The following THAP7 variants were observed in gnomAD, a reference collection of about 807,000 sequenced individuals.
The protein encoded by THAP7 is THAP domain-containing protein 7.
A neutral mutation model predicts 29.2 loss-of-function variants in THAP7; 22 were observed. That is an observed-to-expected ratio of 0.75 (90% CI 0.54 to 1.08). THAP7 has a LOEUF of 1.08. THAP7 is among the 50% of genes least tolerant of loss of function. THAP7 has a pLI of 0.00. For missense variants in THAP7, 448 were observed against 416.2 expected (o/e 1.08, Z -0.66); for synonymous variants, 208 against 173.4 (o/e 1.20, Z -1.57).
intron 3 of THAP7, 80 bp from the exon 4 acceptor site, chr22:21,000,512 CCTTAACACCCAAACCCGATCCACA>C: frequency 6.4e-7 from 1 of 1,558,442 alleles, no homozygotes; most frequent in Non-Finnish European, 8.7e-7. Context: ...CCTGATCCAC[CCTTAACACCCAAACCCGATCCACA>C]GGTTCTGTGT....
At chr22:21,001,718 A>G (rs1925177328) in intron 1 of THAP7, 114 bp downstream of exon 1, 1 of 1,182,538 alleles carries the variant, frequency 8.5e-7, no homozygotes, top group Non-Finnish European at 1.2e-6. Flanking sequence ...TCCCACCCAC[A>G]GGTTCAAGCC....
rs1239295734 is a variant in THAP7, at chr22:20,999,687, C to T, written c.*193G>A. The T allele has an allele frequency of 1.5e-6, 1 of 650,970 alleles. No individual in the cohort carries two copies. The highest frequency in any genetic ancestry group is 1.8e-5 in the African/African-American group (1 of 54,786). 40.3% of individuals were successfully genotyped at this position (650,970 alleles called of 1,614,324 possible). On this transcript the variant is annotated 3_prime_UTR_variant, in exon 4 of 4. Transcript: ENST00000215742. ...CCTTGGCAAAGAGCTTGGACTGAGCCCTCTAGGAGCTGCAGCCACTGTCTG... is the reference window on the plus strand; with the variant it reads ...CCTTGGCAAAGAGCTTGGACTGAGCTCTCTAGGAGCTGCAGCCACTGTCTG...
chr22:21,001,726 GCCT>G (rs1925178242), intron 1 of THAP7, 103 bp downstream of exon 1: 1 of 1,247,282 alleles, frequency 8.0e-7, no homozygotes, highest in Non-Finnish European at 1.1e-6. Flanking sequence ...ACAGGTTCAA[GCCT>G]CCTCAGTATC....
At chr22:21,000,528 C>T (rs1380260558) in intron 3 of THAP7, 96 bp from the exon 4 acceptor site, 14 of 1,569,670 alleles carry the variant, frequency 8.9e-6, no homozygotes, top group East Asian at 6.7e-5. Flanking sequence ...CACCCAAACC[C>T]GATCCACAGG....
At position 21,001,429 on chromosome 22, in the gene THAP7, C is replaced by T. The variant is rs1483559946; in HGVS notation, c.81-18G>A. ...TGGGAAGTCTGTGGAGCCACAAACCCGTGAGCACCAGGCTGTCCACAGCCC... is the reference window on the plus strand; with the variant it reads ...TGGGAAGTCTGTGGAGCCACAAACCTGTGAGCACCAGGCTGTCCACAGCCC... On this transcript the variant is annotated intron_variant, in intron 1 of 3. Coordinates refer to ENST00000215742, the MANE Select transcript of THAP7 (RefSeq NM_030573.3). 2 of 1,612,254 alleles carry T rather than the reference C, an allele frequency of 1.2e-6. No individual in the cohort carries two copies. The highest frequency in any genetic ancestry group is 1.7e-6 in the Non-Finnish European group (2 of 1,179,686).
intron 1 of THAP7, 156 bp from the exon 2 acceptor site, chr22:21,001,567 G>A: frequency 3.4e-6 from 4 of 1,168,490 alleles, no homozygotes; most frequent in South Asian, 3.0e-5. Context: ...CACAGACGAG[G>A]CAACGGAGGC....
intron 1 of THAP7, 163 bp from the exon 2 acceptor site, chr22:21,001,574 A>T: frequency 8.9e-7 from 1 of 1,119,608 alleles, no homozygotes; most frequent in Non-Finnish European, 1.2e-6. Context: ...GAGGCAACGG[A>T]GGCCTCGAGA....
At position 20,999,873 on chromosome 22, in the gene THAP7, C is replaced by T; in HGVS notation, c.*7G>A. The T allele has an allele frequency of 6.3e-7, 1 of 1,598,034 alleles. No individual in the cohort carries two copies. Among genetic ancestry groups the T allele is most frequent in the Non-Finnish European group, 8.5e-7 (1 of 1,175,198 alleles). ...CTGGGCAGCCCCTCGGTCAGTCCAGCAGCCCCTCAGGCCATGCTGCTGCTC... is the reference window on the plus strand; with the variant it reads ...CTGGGCAGCCCCTCGGTCAGTCCAGTAGCCCCTCAGGCCATGCTGCTGCTC... On this transcript the variant is annotated 3_prime_UTR_variant, in exon 4 of 4. Coordinates refer to ENST00000215742, the MANE Select transcript of THAP7 (RefSeq NM_030573.3).
At position 21,002,034 on chromosome 22, in the gene THAP7, C is replaced by A; in HGVS notation, c.-123G>T. The A allele has an allele frequency of 2.3e-6, 2 of 876,690 alleles. No individual in the cohort carries two copies. Among genetic ancestry groups the A allele is most frequent in the South Asian group, 1.9e-5 (1 of 53,492 alleles). 54.3% of individuals were successfully genotyped at this position (876,690 alleles called of 1,614,324 possible). A position where few individuals can be genotyped will look rare whatever the true frequency, so the allele number is the denominator to read the frequency against. On this transcript the variant is annotated 5_prime_UTR_variant, in exon 1 of 4. Transcript: ENST00000215742. ...TGTCGGGTCCCCCCCGGCCCGTTGT[C>A]GCCCCAACCCCGTCCCAGCCGATTC...
rs765105507 is a variant in THAP7 at position 21,000,372 on chromosome 22, G to A, written c.438C>T (p.Thr146=). The A allele has an allele frequency of 2.2e-5, 34 of 1,553,750 alleles. No homozygotes were observed. Among genetic ancestry groups the A allele is most frequent in the Non-Finnish European group, 7.0e-6 (8 of 1,148,576 alleles). ...PFSPPPPADV[T]CFPVEEASAP... ...CTGAGGCCTCTTCCACAGGAAAGCA[G>A]GTGACATCAGCAGGTGGAGGTGGAG... is the stretch of plus-strand genomic sequence containing the variant. The change falls in exon 4 of 4, where the codon ACC becomes ACT. Residue 146 remains threonine (T), a synonymous_variant. Coordinates refer to ENST00000215742, the MANE Select transcript of THAP7 (RefSeq NM_030573.3).
chr22:20,999,713 G>A lies in THAP7; in HGVS notation c.*167C>T, dbSNP rs1925032195. 1.3e-6 allele frequency: 1 copy of A among 761,812 alleles called. No individual in the cohort carries two copies. The highest frequency in any genetic ancestry group is 1.9e-5 in the South Asian group (1 of 53,558). 47.2% of individuals were successfully genotyped at this position (761,812 alleles called of 1,614,324 possible). ...CTCTAGGAGCTGCAGCCACTGTCTG[G>A]GGCAGCAAGCTTAGTACTCAGAGGG... is the stretch of plus-strand genomic sequence containing the variant. On this transcript the variant is annotated 3_prime_UTR_variant, in exon 4 of 4. Transcript: ENST00000215742.
At position 21,000,053 on chromosome 22, in the gene THAP7, T is replaced by C. The variant is rs754681452; in HGVS notation, c.757A>G (p.Lys253Glu). 1.9e-6 allele frequency: 3 copies of C among 1,612,968 alleles called. No homozygotes were observed. Among genetic ancestry groups the C allele is most frequent in the Non-Finnish European group, 2.5e-6 (3 of 1,179,940 alleles). The change falls in exon 4 of 4, where the codon AAG becomes GAG. Residue 253 changes from lysine to glutamate, a missense_variant. Coordinates refer to ENST00000215742, the MANE Select transcript of THAP7 (RefSeq NM_030573.3). ...CAGGCCTGCAGCTGGCGCTGGGCCT[T>C]GTCAAGGGCATCAAGGGCTGCCTCG... Reference protein sequence around the residue: ...RAEAALDALDKAQRQLQACKR... With the variant: ...RAEAALDALDEAQRQLQACKR...
chr22:20,999,842 G>C lies in THAP7; in HGVS notation c.*38C>G, dbSNP rs1437267786. 1 of 1,566,530 alleles carries C rather than the reference G, an allele frequency of 6.4e-7. No homozygotes were observed. Among genetic ancestry groups the C allele is most frequent in the Non-Finnish European group, 8.6e-7 (1 of 1,160,482 alleles). On this transcript the variant is annotated 3_prime_UTR_variant, in exon 4 of 4. Coordinates refer to ENST00000215742, the MANE Select transcript of THAP7 (RefSeq NM_030573.3). ...GGATCTGAGGGAGGAAGAGGCTGCA[G>C]TCTTGCTGGGCAGCCCCTCGGTCAG...
intron 2 of THAP7, 61 bp from the exon 3 acceptor site, chr22:21,000,848 GC>G: frequency 6.2e-7 from 1 of 1,604,638 alleles, no homozygotes; most frequent in Non-Finnish European, 8.5e-7. Context: ...AGGCCAATCT[GC>G]CCCCAGCAGC....
Position 20,999,844 on chromosome 22 carries a change from C to A in THAP7, c.*36G>T. The A allele has an allele frequency of 6.4e-7, 1 of 1,569,050 alleles. No individual in the cohort carries two copies. Among genetic ancestry groups the A allele is most frequent in the Admixed American group, 1.7e-5 (1 of 57,180 alleles). ...ATCTGAGGGAGGAAGAGGCTGCAGT[C>A]TTGCTGGGCAGCCCCTCGGTCAGTC... On this transcript the variant is annotated 3_prime_UTR_variant, in exon 4 of 4. Coordinates refer to ENST00000215742, the MANE Select transcript of THAP7 (RefSeq NM_030573.3).
At chr22:21,001,572 G>A (rs1357447997) in intron 1 of THAP7, 161 bp from the exon 2 acceptor site, 2 of 1,140,276 alleles carry the variant, frequency 1.8e-6, no homozygotes, top group African/African-American at 1.6e-5. Context: ...ACGAGGCAAC[G>A]GAGGCCTCGA....
intron 2 of THAP7, 26 bp from the exon 3 acceptor site, chr22:21,000,813 G>A: frequency 1.9e-6 from 3 of 1,613,176 alleles, no homozygotes; most frequent in South Asian, 2.2e-5. Context: ...ACCCAGATGA[G>A]CTGGAGAGCA....
chr22:21,001,627 G>A, intron 1 of THAP7: 3 of 887,058 alleles, frequency 3.4e-6, no homozygotes, highest in Middle Eastern at 3.2e-4. Flanking sequence ...GTAACAGAGT[G>A]GGGCGGGTCC....
At chr22:21,001,763 G>C (rs1925181844) in intron 1 of THAP7, 69 bp downstream of exon 1, 1 of 1,463,708 alleles carries the variant, frequency 6.8e-7, no homozygotes, top group East Asian at 2.5e-5. Flanking sequence ...AAGCCTCTAC[G>C]CAGTTGCGAC....
Sources: allele counts gnomAD v4.1 joint callset, GRCh38; gene constraint gnomAD v4.1.1; transcripts MANE v1.5; gene names NCBI Gene and HGNC (gene_info 2026-07-23, HGNC 2026-07-21).